The following RBP4 variants were observed in gnomAD, a reference collection of about 807,000 sequenced individuals.
The protein encoded by RBP4 is retinol binding protein 4.
A neutral mutation model predicts 26.2 loss-of-function variants in RBP4; 9 were observed. The observed-to-expected ratio is 0.34, with a 90% CI of 0.21 to 0.60. RBP4 has a LOEUF of 0.60. Among genes scored for constraint, RBP4 ranks in the 20% least tolerant of loss-of-function variants. The probability of loss-of-function intolerance (pLI) is 0.80; values close to 1 mark genes in which losing one functional copy is unlikely to be tolerated. For missense variants in RBP4, 244 were observed against 271.3 expected, an observed-to-expected ratio of 0.90 and a Z score of 0.71; for synonymous variants, 114 against 111.0, an observed-to-expected ratio of 1.03 and a Z score of -0.17.
intron 4 of RBP4, among the ~76,000 whole-genome samples, chr10:93,594,827 G>A (rs918599720): frequency 6.6e-6 from 1 of 152,204 alleles, no homozygotes; most frequent in African/African-American, 2.4e-5. Context: ...GAAGGCAGGA[G>A]AGGAAAGAAT....
chr10:93,599,840 T>C (rs2058324981), intron 4 of RBP4, among the ~76,000 whole-genome samples: 1 of 152,156 alleles, frequency 6.6e-6, no homozygotes, highest in South Asian at 2.1e-4. Flanking sequence ...CCCCTCCACA[T>C]CTGATTTTCA....
intron 4 of RBP4, among the ~76,000 whole-genome samples, chr10:93,598,841 T>C (rs1184602285): frequency 6.6e-6 from 1 of 152,370 alleles, no homozygotes; most frequent in African/African-American, 2.4e-5. Context: ...ATTTTTGTAA[T>C]CCATTATCAG....
At chr10:93,597,512 G>A (rs2058309866) in intron 4 of RBP4, among the ~76,000 whole-genome samples, 1 of 152,124 alleles carries the variant, frequency 6.6e-6, no homozygotes, top group South Asian at 2.1e-4. Context: ...AAATCTCAGG[G>A]AGGCTAGCCT....
chr10:93,595,773 G>A (rs538113392), intron 4 of RBP4, among the ~76,000 whole-genome samples: 39 of 152,358 alleles, frequency 2.6e-4, no homozygotes, highest in Admixed American at 7.2e-4. Flanking sequence ...CCCAAACCCA[G>A]GCTCTGCAGG....
Position 93,600,975 on chromosome 10 carries a change from C to T in RBP4, c.54G>A (p.Ala18=), listed in dbSNP as rs778553827. The T allele has an allele frequency of 6.2e-7, 1 of 1,612,332 alleles. No individual in the cohort carries two copies. Among genetic ancestry groups the T allele is most frequent in the South Asian group, 1.1e-5 (1 of 91,068 alleles). Residue 18 remains alanine, a synonymous_variant, in exon 2 of 6, where the codon GCG becomes GCA. Coordinates refer to ENST00000371464, the MANE Select transcript of RBP4 (RefSeq NM_006744.4). ...LLLAALGSGR[A]ERDCRVSSFR... ...AGCTGCTCACTCGGCAGTCGCGCTC[C>T]GCGCGGCCGCTGCCCAGCGCCGCCA...
chr10:93,593,705 C>T, intron 5 of RBP4, 118 bp downstream of exon 5: 1 of 1,216,382 alleles, frequency 8.2e-7, no homozygotes, highest in Non-Finnish European at 1.2e-6. Flanking sequence ...AAGGGGCTCC[C>T]AAGAACCCCT....
chr10:93,601,006 A>C lies in RBP4; in HGVS notation c.23T>G (p.Leu8Trp). 6.2e-7 allele frequency: 1 copy of C among 1,611,780 alleles called. No homozygotes were observed. Among genetic ancestry groups the C allele is most frequent in the Non-Finnish European group, 8.5e-7 (1 of 1,179,684 alleles). The change falls in exon 2 of 6, where the codon TTG becomes TGG. Residue 8 changes from leucine to tryptophan, a missense_variant. Leu to Trp is a moderately conservative substitution (Grantham distance 61). Coordinates refer to ENST00000371464, the MANE Select transcript of RBP4 (RefSeq NM_006744.4). MKWVWAL[L>W]LLAALGSGRA... is the part of the protein sequence containing the mutation. ...GCCGCTGCCCAGCGCCGCCAACAGC[A>C]AGAGCGCCCACACCCACTTCATCTT...
Position 93,594,003 on chromosome 10 carries a change from C to T in RBP4, c.388G>A (p.Asp130Asn), listed in dbSNP as rs368943307. The change falls in exon 5 of 6, where the codon GAC (aspartate) becomes AAC (asparagine). Residue 130 changes from aspartate (D) to asparagine (N), a missense_variant. By Grantham distance (23) the Asp-to-Asn change is conservative. Coordinates refer to ENST00000371464, the MANE Select transcript of RBP4 (RefSeq NM_006744.4). ...CAGGAGTACTGCACGGCATACGTGT[C>T]GTAGTCTGTGTCGACGATCCAGTGG... ...DDHWIVDTDY[D>N]TYAVQYSCRL... The T allele has an allele frequency of 5.1e-5, 82 of 1,613,694 alleles. No individual in the cohort carries two copies. The highest frequency in any genetic ancestry group is 1.7e-4 in the Admixed American group (10 of 60,008).
intron 4 of RBP4, 82 bp downstream of exon 4, chr10:93,600,311 G>T: frequency 1.7e-6 from 2 of 1,177,038 alleles, no homozygotes; most frequent in Non-Finnish European, 1.3e-6. Flanking sequence ...CCTAAGGGTA[G>T]GTACCTCTGG....
chr10:93,598,180 A>T (rs1446747605), intron 4 of RBP4, among the ~76,000 whole-genome samples: 1 of 152,140 alleles, frequency 6.6e-6, no homozygotes, highest in Non-Finnish European at 1.5e-5. Context: ...CCCATTCTAG[A>T]CCCAGAATCT....
intron 4 of RBP4, among the ~76,000 whole-genome samples, chr10:93,596,158 T>A (rs1268058143): frequency 6.6e-6 from 1 of 151,424 alleles, no homozygotes; most frequent in Non-Finnish European, 1.5e-5. Flanking sequence ...TTACCTCGAC[T>A]CATGATCCAG....
chr10:93,600,649 G>A lies in RBP4; in HGVS notation c.248+18C>T. ...ACCCTGGAGCGCAAAGGGCGCAGCT[G>A]CCCCGGCGGCCACTGACTTCAAAAG... On this transcript the variant is annotated intron_variant, in intron 3 of 5. Coordinates refer to ENST00000371464, the MANE Select transcript of RBP4 (RefSeq NM_006744.4). 1 of 1,611,952 alleles carries A rather than the reference G, an allele frequency of 6.2e-7. No homozygotes were observed. Among genetic ancestry groups the A allele is most frequent in the Non-Finnish European group, 8.5e-7 (1 of 1,179,282 alleles).
At position 93,594,015 on chromosome 10, in the gene RBP4, C is replaced by G. The variant is rs752204198; in HGVS notation, c.376G>C (p.Asp126His). ...ACGGCATACGTGTCGTAGTCTGTGT[C>G]GACGATCCAGTGGTCATCATCTGCA... is the stretch of plus-strand genomic sequence containing the variant. ...QKGNDDHWIV[D>H]TDYDTYAVQY... Residue 126 changes from aspartate to histidine, a missense_variant, in exon 5 of 6, where the codon GAC (aspartate) becomes CAC (histidine). Asp to His is a moderately conservative substitution (Grantham distance 81). Coordinates refer to ENST00000371464, the MANE Select transcript of RBP4 (RefSeq NM_006744.4). 1.9e-6 allele frequency: 3 copies of G among 1,613,608 alleles called. No individual in the cohort carries two copies. The highest frequency in any genetic ancestry group is 2.5e-6 in the Non-Finnish European group (3 of 1,180,034).
chr10:93,595,178 G>A (rs539710647), intron 4 of RBP4, among the ~76,000 whole-genome samples: 3 of 152,124 alleles, frequency 2.0e-5, no homozygotes, highest in African/African-American at 4.8e-5. Context: ...GTATGTGAGC[G>A]ATTTGCCACA....
chr10:93,592,831 T>A (rs545008394), intron 5 of RBP4, among the ~76,000 whole-genome samples: 29 of 152,254 alleles, frequency 1.9e-4, no homozygotes, highest in South Asian at 6.2e-4. Flanking sequence ...TATTATTATT[T>A]TTTTGAGGCA....
At chr10:93,597,506 C>T (rs2058309851) in intron 4 of RBP4, among the ~76,000 whole-genome samples, 1 of 152,152 alleles carries the variant, frequency 6.6e-6, no homozygotes, top group Admixed American at 6.5e-5. Flanking sequence ...GAAGTCAAAT[C>T]TCAGGGAGGC....
chr10:93,599,943 C>T (rs945454761), intron 4 of RBP4, among the ~76,000 whole-genome samples: 2 of 152,166 alleles, frequency 1.3e-5, no homozygotes, highest in African/African-American at 4.8e-5. Context: ...GGGAGGCATC[C>T]ACCCCTATGC....
chr10:93,592,828 A>T (rs7079946), intron 5 of RBP4, among the ~76,000 whole-genome samples: 36,221 of 151,548 alleles, frequency 0.24, 4,478 homozygotes, highest in South Asian at 0.36. Context: ...TATTATTATT[A>T]TTTTTTTGAG....
chr10:93,594,534 T>A (rs1038336075), intron 4 of RBP4, among the ~76,000 whole-genome samples: 1 of 152,212 alleles, frequency 6.6e-6, no homozygotes, highest in African/African-American at 2.4e-5. Flanking sequence ...CCCCGCTCTC[T>A]CAGTCCTCTG....
Sources: gnomAD v4.1 joint callset for allele counts (sites outside exome capture counted in the v4.1 genomes callset) on GRCh38, gnomAD v4.1.1 for gene constraint, MANE v1.5 for transcripts, NCBI Gene and HGNC (gene_info 2026-07-23, HGNC 2026-07-21) for gene names.